Variants in CD96 observed in about 807,000 individuals in gnomAD.
The protein encoded by CD96 is CD96 molecule.
In CD96, 70 loss-of-function variants were observed where a neutral mutation model predicts 71.3. The observed-to-expected ratio is 0.98, with a 90% CI of 0.81 to 1.20. The LOEUF is 1.20. CD96 is among the 50% of genes most tolerant of loss of function. The pLI, the probability that CD96 is intolerant of heterozygous loss-of-function variation, is 0.00. For missense variants in CD96, 742 were observed against 677.5 expected, an observed-to-expected ratio of 1.10 and a Z score of -1.06; for synonymous variants, 248 against 233.0, an observed-to-expected ratio of 1.06 and a Z score of -0.59.
At chr3:111,642,736 G>T (rs1177668469) in intron 12 of CD96, among the ~76,000 whole-genome samples, 1 of 152,032 alleles carries the variant, frequency 6.6e-6, no homozygotes, top group East Asian at 1.9e-4. Flanking sequence ...GAGTCTGGGT[G>T]GCAGAGGTTG....
downstream of CD96, among the ~76,000 whole-genome samples, chr3:111,657,222 A>G (rs181799200): frequency 6.7e-3 from 1,017 of 152,256 alleles, 12 homozygotes; most frequent in Middle Eastern, 0.01. Flanking sequence ...GTTTGAGACC[A>G]GCCTGGCCAA....
intron 3 of CD96, among the ~76,000 whole-genome samples, chr3:111,574,756 TA>T: frequency 6.6e-6 from 1 of 151,762 alleles, no homozygotes; most frequent in Non-Finnish European, 1.5e-5. Flanking sequence ...AAAATCTATT[TA>T]AAAATTATAT....
intron 14 of CD96, among the ~76,000 whole-genome samples, chr3:111,660,083 T>C (rs910809755): frequency 4.6e-5 from 7 of 152,186 alleles, no homozygotes; most frequent in Non-Finnish European, 8.8e-5. Flanking sequence ...GAAGTCAAAC[T>C]ATCTCTCTTC....
Position 111,567,545 on chromosome 3 carries a change from C to T in CD96, c.441C>T (p.Ser147=). 6.2e-7 allele frequency: 1 copy of T among 1,603,736 alleles called. No individual in the cohort carries two copies. The highest frequency in any genetic ancestry group is 8.5e-7 in the Non-Finnish European group (1 of 1,170,738). ...QTHVTADEWN[S]NHTIEIEINQ... Reference sequence around the variant, plus strand: ...CAGTTACAGCAGATGAATGGAACAGCAACCATACGATAGAAATAGAGATAA... The same window carrying T: ...CAGTTACAGCAGATGAATGGAACAGTAACCATACGATAGAAATAGAGATAA... The change falls in exon 3 of 14, where the codon AGC becomes AGT. Residue 147 remains serine (S), a synonymous_variant. Transcript: ENST00000352690.
At chr3:111,610,508 C>T (rs760094401) in intron 8 of CD96, among the ~76,000 whole-genome samples, 3 of 152,072 alleles carry the variant, frequency 2.0e-5, no homozygotes, top group Admixed American at 6.5e-5. Context: ...ATTTTTTCCT[C>T]GATGAAAGGA....
intron 3 of CD96, among the ~76,000 whole-genome samples, chr3:111,572,674 A>G (rs999033264): frequency 6.6e-6 from 1 of 152,232 alleles, no homozygotes; most frequent in Non-Finnish European, 1.5e-5. Context: ...CTTCTGCCCC[A>G]AGTGACTCAT....
chr3:111,579,165 A>C lies in CD96; in HGVS notation c.682A>C (p.Lys228Gln). The C allele has an allele frequency of 3.1e-6, 5 of 1,611,028 alleles. No individual in the cohort carries two copies. The highest frequency in any genetic ancestry group is 4.2e-6 in the Non-Finnish European group (5 of 1,177,074). The change falls in exon 4 of 14, where the codon AAG (lysine) becomes CAG (glutamine). Residue 228 changes from lysine to glutamine, a missense_variant. Coordinates refer to ENST00000352690, the MANE Select transcript of CD96 (RefSeq NM_005816.5). ...SPVQIFDDGRKFSCHIRVGPN... is the reference protein window; with the variant it reads ...SPVQIFDDGRQFSCHIRVGPN... ...AGTCCAAATCTTCGATGATGGGCGGAAGTTCTCTTGCCACATTAGAGTCGG... is the reference window on the plus strand; with the variant it reads ...AGTCCAAATCTTCGATGATGGGCGGCAGTTCTCTTGCCACATTAGAGTCGG...
chr3:111,560,663 T>C (rs2107524447), intron 2 of CD96, among the ~76,000 whole-genome samples: 1 of 59,696 alleles, frequency 1.7e-5, no homozygotes, highest in Admixed American at 1.9e-4. Flanking sequence ...ATTTCAACTT[T>C]GGTGAATCTG....
At chr3:111,656,407 G>A (rs900028289), downstream of CD96, among the ~76,000 whole-genome samples, 1 of 152,152 alleles carries the variant, frequency 6.6e-6, no homozygotes, top group African/African-American at 2.4e-5. Flanking sequence ...TACTGCTGAA[G>A]GGAGTGCAAA....
chr3:111,616,633 C>T (rs1440658189), intron 8 of CD96, among the ~76,000 whole-genome samples: 3 of 152,146 alleles, frequency 2.0e-5, no homozygotes, highest in Non-Finnish European at 4.4e-5. Context: ...TGTCAGACAG[C>T]CTTGGGTTCA....
chr3:111,588,091 G>A (rs1936798648), intron 5 of CD96, among the ~76,000 whole-genome samples: 1 of 152,154 alleles, frequency 6.6e-6, no homozygotes, highest in Non-Finnish European at 1.5e-5. Context: ...TCCAGAAAAT[G>A]GGATTTTCTT....
intron 2 of CD96, among the ~76,000 whole-genome samples, chr3:111,554,998 A>G (rs996912851): frequency 2.0e-5 from 3 of 152,042 alleles, no homozygotes; most frequent in Non-Finnish European, 4.4e-5. Context: ...TCCTATGAAA[A>G]TCTAATGCAG....
At chr3:111,628,015 AG>A (rs1182906348) in intron 10 of CD96, among the ~76,000 whole-genome samples, 1 of 152,222 alleles carries the variant, frequency 6.6e-6, no homozygotes, top group Non-Finnish European at 1.5e-5. Flanking sequence ...CAAAGATCAA[AG>A]GCAGATAAGC....
At chr3:111,551,285 A>C (rs1305108406) in intron 2 of CD96, among the ~76,000 whole-genome samples, 2 of 152,172 alleles carry the variant, frequency 1.3e-5, no homozygotes, top group Non-Finnish European at 2.9e-5. Flanking sequence ...ACAATTAATG[A>C]AGATGACAGT....
chr3:111,586,900 C>G (rs371132157), intron 5 of CD96, among the ~76,000 whole-genome samples: 2 of 152,178 alleles, frequency 1.3e-5, no homozygotes, highest in African/African-American at 4.8e-5. Context: ...CAAAACCAAT[C>G]ATTCCTTTCC....
At chr3:111,612,725 T>C (rs1409127613) in intron 8 of CD96, 3 of 196,920 alleles carry the variant, frequency 1.5e-5, no homozygotes, top group Non-Finnish European at 2.7e-5. Context: ...TAAATGTCTT[T>C]AGACACTGAA....
At chr3:111,613,436 G>A (rs75319653) in intron 8 of CD96, among the ~76,000 whole-genome samples, 3,707 of 152,298 alleles carry the variant, frequency 0.024, 176 homozygotes, top group African/African-American at 0.085. Flanking sequence ...GCAGGGTTTA[G>A]ATTTAGGTTT....
At chr3:111,638,058 A>G in intron 11 of CD96, 21 bp from the exon 12 acceptor site, 1 of 1,364,774 alleles carries the variant, frequency 7.3e-7, no homozygotes, top group Non-Finnish European at 1.1e-6. Flanking sequence ...TCTTGTCCAG[A>G]TATCCCCTTT....
chr3:111,555,097 C>T (rs1934921752), intron 2 of CD96, among the ~76,000 whole-genome samples: 1 of 152,180 alleles, frequency 6.6e-6, no homozygotes, highest in Non-Finnish European at 1.5e-5. Context: ...CTTACTCACA[C>T]ACTGCTCACC....
Sources: gnomAD v4.1 joint callset for allele counts (sites outside exome capture counted in the v4.1 genomes callset) on GRCh38, gnomAD v4.1.1 for gene constraint, MANE v1.5 for transcripts, NCBI Gene and HGNC (gene_info 2026-07-23, HGNC 2026-07-21) for gene names.